Variants in RNF31 observed in about 807,000 individuals in gnomAD.
RNF31 encodes ring finger protein 31.
In RNF31, 38 loss-of-function variants were observed where a neutral mutation model predicts 133.6. The observed-to-expected ratio is 0.28, with a 90% CI of 0.22 to 0.37. The LOEUF is 0.37. Among genes scored for constraint, RNF31 ranks in the 10% least tolerant of loss-of-function variants. RNF31 has a pLI of 1.00. For missense variants in RNF31, 1,118 were observed against 1,394.1 expected (o/e 0.80, Z 3.15); for synonymous variants, 582 against 552.3 (o/e 1.05, Z -0.75).
chr14:24,152,136 G>GA, intron 11 of RNF31, 144 bp downstream of exon 11: 1 of 754,082 alleles, frequency 1.3e-6, no homozygotes, highest in Non-Finnish European at 2.1e-6. Flanking sequence ...GGGAAGTCAG[G>GA]AACAGGCTTA....
rs773161847 is a variant in RNF31, at chr14:24,159,951, G to A, written c.2987G>A (p.Gly996Asp). The A allele has an allele frequency of 6.2e-7, 1 of 1,613,570 alleles. No individual in the cohort carries two copies. The highest frequency in any genetic ancestry group is 8.5e-7 in the Non-Finnish European group (1 of 1,179,966). The change falls in exon 19 of 21, where the codon GGC becomes GAC. Residue 996 changes from glycine to aspartate, a missense_variant. This residue lies in a region of RNF31 where 170 missense variants were observed against 194.5 expected (regional missense o/e 0.87). Coordinates refer to ENST00000324103, the MANE Select transcript of RNF31 (RefSeq NM_017999.5). ...CGKETPAGYA[G>D]LCQAHYKEYL... is the part of the protein sequence containing the mutation. ...AAGGAAACTCCAGCTGGCTATGCCG[G>A]CCTGTGCCAGTGAGTGCCAGCAGGA...
intron 11 of RNF31, among the ~76,000 whole-genome samples, chr14:24,154,180 A>C (rs1409495047): frequency 3.3e-5 from 5 of 151,326 alleles, no homozygotes; most frequent in Non-Finnish European, 7.4e-5. Flanking sequence ...TTTTTGAGAC[A>C]GAGTTTTGCT....
chr14:24,147,801 C>A lies in RNF31; in HGVS notation c.103C>A (p.Arg35=). Residue 35 remains arginine (R), a synonymous_variant, in exon 1 of 21, where the codon CGG becomes AGG. Transcript: ENST00000324103. ...GCAGGCGTTTTCCCTGGAGCAGCTC[C>A]GGCCGCTACTAGCCAGCTCTCTGCC... ...SGQAFSLEQL[R]PLLASSLPLA... The A allele has an allele frequency of 6.3e-7, 1 of 1,597,570 alleles. No individual in the cohort carries two copies. Among genetic ancestry groups the A allele is most frequent in the East Asian group, 2.3e-5 (1 of 44,156 alleles).
chr14:24,156,105 A>G (rs1314606020), intron 14 of RNF31, among the ~76,000 whole-genome samples: 1 of 152,168 alleles, frequency 6.6e-6, no homozygotes, highest in African/African-American at 2.4e-5. Flanking sequence ...TTGGGAGAGA[A>G]AGAACAACAC....
At position 24,155,126 on chromosome 14, in the gene RNF31, A is replaced by AC. The variant is rs755734801; in HGVS notation, c.2131-26dup. ...CCTAGCCTGGCAGCTGTGGCTTCTG[A>AC]CCCCCTCCCCTCCAACCCCTCACCC... is the stretch of plus-strand genomic sequence containing the variant. On this transcript the variant is annotated intron_variant, in intron 11 of 20. Transcript: ENST00000324103. The surrounding 1 kb of genome is among the most constrained non-coding windows in gnomAD (Gnocchi z 4.9). 3 of 1,595,470 alleles carry AC rather than the reference A, an allele frequency of 1.9e-6. No homozygotes were observed. The highest frequency in any genetic ancestry group is 2.2e-5 in the South Asian group (2 of 90,086).
rs370934256 is a variant in RNF31 at position 24,151,143 on chromosome 14, G to T, written c.1501G>T (p.Ala501Ser). Residue 501 changes from alanine (A) to serine (S), a missense_variant, in exon 9 of 21, where the codon GCA (alanine) becomes TCA (serine). Physicochemically the swap from Ala to Ser is moderately conservative, Grantham distance 99. Around this residue, in one of 3 missense-constraint regions of RNF31, gnomAD observed 747 missense variants for 827.9 expected, o/e 0.90. Coordinates refer to ENST00000324103, the MANE Select transcript of RNF31 (RefSeq NM_017999.5). This position sits in a 1 kb window ranked among gnomAD's most constrained non-coding sequence, Gnocchi z 5.3. ...GACTGTGCCTTAGGAAGGGGAAGCC[G>T]CAGGTGCCTGTCCAGAGGAGATCTT... ...LVSMIREGEA[A>S]GACPEEIFSA... 1.7e-5 allele frequency: 28 copies of T among 1,613,830 alleles called. No homozygotes were observed. The African/African-American group carries it at 2.8e-4, about 16-fold the overall frequency.
chr14:24,149,935 G>A (rs758729393), intron 6 of RNF31, 126 bp from the exon 7 acceptor site: 11 of 1,186,576 alleles, frequency 9.3e-6, no homozygotes, highest in East Asian at 7.1e-5. Context: ...AGGAGTATTC[G>A]AGACAGACAA....
Position 24,155,629 on chromosome 14 carries a change from T to A in RNF31, c.2430T>A (p.Arg810=), listed in dbSNP as rs1469700791. 1 of 1,614,216 alleles carries A rather than the reference T, an allele frequency of 6.2e-7. No individual in the cohort carries two copies. The highest frequency in any genetic ancestry group is 2.2e-5 in the East Asian group (1 of 44,884). The change falls in exon 14 of 21, where the codon CGT becomes CGA. Residue 810 remains arginine (R), a synonymous_variant. Coordinates refer to ENST00000324103, the MANE Select transcript of RNF31 (RefSeq NM_017999.5). The surrounding 1 kb of genome is among the most constrained non-coding windows in gnomAD (Gnocchi z 4.9). The part of the protein sequence containing the change: ...AQCSFGFIYE[R]EQLEATCPQC... ...GCTCCTTTGGCTTCATATATGAGCG[T>A]GAGCAGCTGGAGGCAACTTGTCCCC...
Position 24,152,895 on chromosome 14 carries a change from C to T in RNF31, c.2130+903C>T, listed in dbSNP as rs911362795. Among the ~76,000 whole-genome samples the T allele has an allele frequency of 4.6e-5, 7 of 151,930 alleles. No homozygotes were observed. In the South Asian group the frequency reaches 8.3e-4, roughly 18 times the overall value. ...AGGAGATCGAGACCATCCTGGCTGA[C>T]GCAGTGAAACCCTGTCTGTACTAAA... On this transcript the variant is annotated intron_variant, in intron 11 of 20. Transcript: ENST00000324103.
Position 24,150,376 on chromosome 14 carries a change from A to G in RNF31, c.1125A>G (p.Arg375=). 3 of 1,613,648 alleles carry G rather than the reference A, an allele frequency of 1.9e-6. No homozygotes were observed. The African/African-American group carries it at 4.0e-5, about 22-fold the overall frequency. ...CTGTGCTATGTTCCATATGTGAGCG[A>G]CCTCGGCTGGCCCAGCCTCCCAGCT... ...AAAVLCSICE[R]PRLAQPPSLV... Residue 375 remains arginine (R), a synonymous_variant, in exon 7 of 21, where the codon CGA becomes CGG. Transcript: ENST00000324103.
Position 24,151,988 on chromosome 14 carries a change from A to G in RNF31, c.2126A>G (p.Asn709Ser), listed in dbSNP as rs199575328. The G allele has an allele frequency of 7.4e-6, 12 of 1,613,620 alleles. No individual in the cohort carries two copies. The highest frequency in any genetic ancestry group is 4.5e-5 in the East Asian group (2 of 44,880). ...GTGTGTGGCTGGGCCCTGCCCCACA[A>G]CCGGGTAAGTCCCTCCCCACGATAC... Reference protein sequence around the residue: ...CAVCGWALPHNRMQALTSCEC... With the variant: ...CAVCGWALPHSRMQALTSCEC... Residue 709 changes from asparagine to serine, a missense_variant, in exon 11 of 21, where the codon AAC (asparagine) becomes AGC (serine). Asn to Ser is a conservative substitution (Grantham distance 46). This residue lies in a region of RNF31 where 201 missense variants were observed against 371.7 expected (regional missense o/e 0.54). Coordinates refer to ENST00000324103, the MANE Select transcript of RNF31 (RefSeq NM_017999.5). The surrounding 1 kb of genome is among the most constrained non-coding windows in gnomAD (Gnocchi z 5.3).
rs1040287392 is a variant in RNF31, at chr14:24,155,093, G to T, written c.2131-64G>T. 6 of 1,531,548 alleles carry T rather than the reference G, an allele frequency of 3.9e-6. No homozygotes were observed. In the African/African-American group the frequency reaches 6.8e-5, roughly 17 times the overall value. The allele number at this position is 1,531,548 out of a possible 1,614,324, so 94.9% of individuals were successfully genotyped here. ...ATTTCTTAGTGGACACCTGGCCACT[G>T]CCTCTTCCCTAGCCTGGCAGCTGTG... On this transcript the variant is annotated intron_variant, in intron 11 of 20. Transcript: ENST00000324103. This position sits in a 1 kb window ranked among gnomAD's most constrained non-coding sequence, Gnocchi z 4.9.
intron 11 of RNF31, among the ~76,000 whole-genome samples, chr14:24,153,446 G>T (rs376923911): frequency 6.6e-6 from 1 of 151,776 alleles, no homozygotes; most frequent in Admixed American, 6.6e-5. Flanking sequence ...GCGTGGTGGC[G>T]TGCACCTGTA....
rs143864107 is a variant in RNF31 at position 24,149,163 on chromosome 14, A to C, written c.632-243A>C. The C allele has an allele frequency of 1.2e-3, 717 of 596,152 alleles. 1 individual carries two copies. The African/African-American group carries it at 0.012, about 10-fold the overall frequency. The allele number at this position is 596,152 out of a possible 1,614,324, so 36.9% of individuals were successfully genotyped here. On this transcript the variant is annotated intron_variant, in intron 5 of 20. Transcript: ENST00000324103. Reference sequence around the variant, plus strand: ...TTTTTGGTAGAGATGGGGTTTCTCCATGTTGGTCAGGCTGGTCTGGAACTC... The same window carrying C: ...TTTTTGGTAGAGATGGGGTTTCTCCCTGTTGGTCAGGCTGGTCTGGAACTC...
At chr14:24,152,203 GA>G (rs1308612842) in intron 11 of RNF31, among the ~76,000 whole-genome samples, 1 of 152,016 alleles carries the variant, frequency 6.6e-6, no homozygotes, top group East Asian at 1.9e-4. Context: ...TGCAATAGTA[GA>G]AAAATTGTAC....
rs12894488 is a variant in RNF31 at position 24,147,698 on chromosome 14, G to A, written c.-1G>A. On this transcript the variant is annotated 5_prime_UTR_variant, in exon 1 of 21. Transcript: ENST00000324103. ...AGGCTGGGGCTGACTCCTGCCTCAG[G>A]ATGCCGGGGGAGGAAGAGGAGCGGG... 1 of 1,503,998 alleles carries A rather than the reference G, an allele frequency of 6.6e-7. No homozygotes were observed. The highest frequency in any genetic ancestry group is 8.8e-7 in the Non-Finnish European group (1 of 1,131,940). The allele number at this position is 1,503,998 out of a possible 1,614,324, so 93.2% of individuals were successfully genotyped here. A position where few individuals can be genotyped will look rare whatever the true frequency, so the allele number is the denominator to read the frequency against.
intron 14 of RNF31, 145 bp from the exon 15 acceptor site, chr14:24,157,145 C>G: frequency 1.3e-5 from 8 of 599,028 alleles, no homozygotes; most frequent in Admixed American, 3.0e-5. Flanking sequence ...CCAAGGATGG[C>G]CTCTCATTTT....
chr14:24,147,475 G>A, upstream of RNF31: 1 of 394,686 alleles, frequency 2.5e-6, no homozygotes, highest in Non-Finnish European at 4.4e-6. Context: ...CTCCGAAATT[G>A]GGTCGCAGTC....
chr14:24,155,763 T>A lies in RNF31; in HGVS notation c.2493+71T>A, dbSNP rs1432303946. ...AGGTACTGTGTTAGACTCAGGGGAG[T>A]TTGTGTACTGGAGAGCAAAACAGAC... On this transcript the variant is annotated intron_variant, in intron 14 of 20. Coordinates refer to ENST00000324103, the MANE Select transcript of RNF31 (RefSeq NM_017999.5). This position sits in a 1 kb window ranked among gnomAD's most constrained non-coding sequence, Gnocchi z 4.9. 3.6e-6 allele frequency: 5 copies of A among 1,391,628 alleles called. No individual in the cohort carries two copies. Among genetic ancestry groups the A allele is most frequent in the Non-Finnish European group, 5.1e-6 (5 of 984,274 alleles). 86.2% of individuals were successfully genotyped at this position (1,391,628 alleles called of 1,614,324 possible).
Sources: gnomAD v4.1 joint callset for allele counts (sites outside exome capture counted in the v4.1 genomes callset) on GRCh38, gnomAD v4.1.1 for gene constraint, gnomAD v4.1.1 regional missense constraint, Gnocchi (gnomAD v3.1) non-coding constraint, MANE v1.5 for transcripts, NCBI Gene and HGNC (gene_info 2026-07-23, HGNC 2026-07-21) for gene names.